Variants in GOLIM4 observed in about 807,000 individuals in gnomAD.
GOLIM4 encodes the protein 130 kDa golgi-localized phosphoprotein.
GOLIM4 carries 71 observed loss-of-function variants against 107.4 expected under a neutral mutation model. The ratio of observed to expected loss-of-function variants is 0.66; its 90% confidence interval spans 0.55 to 0.81. The LOEUF is 0.81. Among genes scored for constraint, GOLIM4 ranks in the 30% least tolerant of loss-of-function variants. The pLI is 0.00. For missense variants in GOLIM4, 830 were observed against 826.1 expected (o/e 1.00, Z -0.06); for synonymous variants, 327 against 294.8 (o/e 1.11, Z -1.12).
chr3:168,042,434 C>T lies in GOLIM4; in HGVS notation c.517+945G>A, dbSNP rs112557699. On this transcript the variant is annotated intron_variant, in intron 5 of 15. Coordinates refer to ENST00000470487, the MANE Select transcript of GOLIM4 (RefSeq NM_014498.5). Reference sequence around the variant, plus strand: ...TGGCTGAGATTACAGGCATGTGCCACGATGCCCGGCTAATTTTTGTATTTT... The same window carrying T: ...TGGCTGAGATTACAGGCATGTGCCATGATGCCCGGCTAATTTTTGTATTTT... 1.7e-3 allele frequency among the ~76,000 whole-genome samples: 258 copies of T among 152,282 alleles called. 1 individual carries two copies. Among genetic ancestry groups the T allele is most frequent in the African/African-American group, 5.8e-3 (239 of 41,554 alleles).
intron 1 of GOLIM4, among the ~76,000 whole-genome samples, chr3:168,094,414 G>A (rs1436189262): frequency 6.6e-6 from 1 of 152,184 alleles, no homozygotes; most frequent in African/African-American, 2.4e-5. Context: ...AAGCTACTTA[G>A]GAAGACAAGT....
chr3:168,059,202 A>C (rs1021163899), intron 1 of GOLIM4, among the ~76,000 whole-genome samples: 2 of 152,224 alleles, frequency 1.3e-5, no homozygotes, highest in Non-Finnish European at 2.9e-5. Context: ...CGGACGCTGC[A>C]AGTAATGCTA....
chr3:168,029,669 C>A, intron 10 of GOLIM4, 111 bp downstream of exon 10: 1 of 1,189,750 alleles, frequency 8.4e-7, no homozygotes, highest in Non-Finnish European at 1.2e-6. Flanking sequence ...GCTATTTGAG[C>A]AATATGAGCC....
intron 7 of GOLIM4, 79 bp downstream of exon 7, chr3:168,040,707 A>G: frequency 1.2e-6 from 1 of 851,584 alleles, no homozygotes; most frequent in Non-Finnish European, 1.9e-6. Context: ...TTGGCTTGTA[A>G]GAGACTACAT....
At chr3:168,069,504 GA>G (rs909154021) in intron 1 of GOLIM4, among the ~76,000 whole-genome samples, 1 of 151,960 alleles carries the variant, frequency 6.6e-6, no homozygotes, top group African/African-American at 2.4e-5. Context: ...ATTTTTCTAG[GA>G]AAAAAATTAG....
At chr3:168,093,402 C>A (rs1361500182) in intron 1 of GOLIM4, among the ~76,000 whole-genome samples, 1 of 152,170 alleles carries the variant, frequency 6.6e-6, no homozygotes, top group Non-Finnish European at 1.5e-5. Flanking sequence ...GAGTGTCAGG[C>A]ACAGTGTGGT....
intron 8 of GOLIM4, among the ~76,000 whole-genome samples, chr3:168,034,284 G>C (rs974201380): frequency 3.9e-5 from 6 of 152,154 alleles, no homozygotes; most frequent in Non-Finnish European, 7.3e-5. Flanking sequence ...AGTGAGGAAG[G>C]TTAGTGCAGA....
intron 1 of GOLIM4, among the ~76,000 whole-genome samples, chr3:168,091,836 C>A (rs1376296981): frequency 1.3e-5 from 2 of 152,262 alleles, no homozygotes; most frequent in Non-Finnish European, 1.5e-5. Flanking sequence ...GGTTGTAGAA[C>A]TAGAACTGAA....
intron 8 of GOLIM4, among the ~76,000 whole-genome samples, chr3:168,034,875 GCTC>G (rs1718555967): frequency 6.6e-6 from 1 of 152,154 alleles, no homozygotes; most frequent in South Asian, 2.1e-4. Context: ...GATGGGACTT[GCTC>G]CTCCTGGCCT....
rs964761845 is a variant in GOLIM4 at position 168,010,456 on chromosome 3, T to C, written c.1942-38A>G. 2.3e-6 allele frequency: 3 copies of C among 1,331,822 alleles called. No homozygotes were observed. The African/African-American group carries it at 4.4e-5, about 20-fold the overall frequency. The allele number at this position is 1,331,822 out of a possible 1,614,324, so 82.5% of individuals were successfully genotyped here. Reference sequence around the variant, plus strand: ...AGAAAAAAGAAAAACTAAGAGATAGTATAGAGTTAGTGATAAATAATTCTC... The same window carrying C: ...AGAAAAAAGAAAAACTAAGAGATAGCATAGAGTTAGTGATAAATAATTCTC... On this transcript the variant is annotated intron_variant, in intron 15 of 15. Transcript: ENST00000470487.
chr3:168,073,747 G>C (rs1720943474), intron 1 of GOLIM4, among the ~76,000 whole-genome samples: 1 of 152,150 alleles, frequency 6.6e-6, no homozygotes, highest in Admixed American at 6.5e-5. Flanking sequence ...TATACACAAA[G>C]GAAGAGGTAT....
At chr3:168,049,878 T>C (rs1719515382) in intron 1 of GOLIM4, among the ~76,000 whole-genome samples, 1 of 152,138 alleles carries the variant, frequency 6.6e-6, no homozygotes, top group Non-Finnish European at 1.5e-5. Flanking sequence ...TCATCCCATA[T>C]AAAACTTCCA....
At chr3:168,024,008 T>C (rs1046091554) in intron 14 of GOLIM4, among the ~76,000 whole-genome samples, 1 of 152,216 alleles carries the variant, frequency 6.6e-6, no homozygotes, top group Non-Finnish European at 1.5e-5. Flanking sequence ...CCTCCTCTTT[T>C]ATTGTTAAAT....
intron 7 of GOLIM4, among the ~76,000 whole-genome samples, 160 bp downstream of exon 7, chr3:168,040,626 C>T (rs1718931013): frequency 6.6e-6 from 1 of 152,188 alleles, no homozygotes; most frequent in African/African-American, 2.4e-5. Context: ...TAATATCTTA[C>T]TGATTGAATT....
At chr3:168,039,337 A>G (rs1718844961) in intron 7 of GOLIM4, among the ~76,000 whole-genome samples, 1 of 148,910 alleles carries the variant, frequency 6.7e-6, no homozygotes, top group Non-Finnish European at 1.5e-5. Context: ...ATCTCGGCTC[A>G]CTGCAGCCTC....
chr3:168,073,106 A>G (rs1403500233), intron 1 of GOLIM4, among the ~76,000 whole-genome samples: 2 of 152,230 alleles, frequency 1.3e-5, no homozygotes, highest in East Asian at 3.8e-4. Flanking sequence ...GGACAAAATA[A>G]TAACTGCACT....
At chr3:168,044,437 T>C (rs1158699072) in intron 4 of GOLIM4, among the ~76,000 whole-genome samples, 3 of 152,192 alleles carry the variant, frequency 2.0e-5, no homozygotes, top group African/African-American at 7.2e-5. Context: ...ATTTATTAAA[T>C]ATTAGTAACA....
At chr3:168,064,931 A>G (rs539768746) in intron 1 of GOLIM4, among the ~76,000 whole-genome samples, 1 of 152,150 alleles carries the variant, frequency 6.6e-6, no homozygotes, top group East Asian at 1.9e-4. Context: ...TATAACTTAA[A>G]TAGGACTGAG....
intron 1 of GOLIM4, among the ~76,000 whole-genome samples, chr3:168,059,033 CAT>C (rs909812542): frequency 9.2e-5 from 14 of 152,054 alleles, no homozygotes; most frequent in Admixed American, 2.6e-4. Context: ...TTGATGCAAA[CAT>C]GTGTAAGAAT....
Sources: allele counts gnomAD v4.1 joint callset (sites outside exome capture counted in the v4.1 genomes callset), GRCh38; gene constraint gnomAD v4.1.1; transcripts MANE v1.5; gene names NCBI Gene and HGNC (gene_info 2026-07-23, HGNC 2026-07-21).